GDA: variants seen among roughly 807,000 people sequenced by gnomAD.
GDA encodes cytoplasmic PSD-95 interactor.
In GDA, 18 loss-of-function variants were observed where a neutral mutation model predicts 59.6. The ratio of observed to expected loss-of-function variants is 0.30; its 90% CI spans 0.21 to 0.45. GDA has a LOEUF of 0.45. Ranked by LOEUF, GDA falls within the 20% of genes least tolerant of loss-of-function variation. The pLI is 1.00. For synonymous variants in GDA, 201 were observed against 201.1 expected, an observed-to-expected ratio of 1.00 and a Z score of 0.00; for missense variants, 427 against 552.3, an observed-to-expected ratio of 0.77 and a Z score of 2.27.
At chr9:72,155,136 A>G (rs1229261012) in intron 1 of GDA, among the ~76,000 whole-genome samples, 7 of 152,230 alleles carry the variant, frequency 4.6e-5, no homozygotes, top group Non-Finnish European at 1.0e-4. Flanking sequence ...GAGACTGGGA[A>G]GAAAAAGAGG....
intron 10 of GDA, among the ~76,000 whole-genome samples, chr9:72,238,971 G>A (rs368939412): frequency 3.5e-4 from 53 of 152,254 alleles, no homozygotes; most frequent in Admixed American, 1.2e-3. Context: ...AGTTCCATGC[G>A]CACAGTTTAA....
intron 1 of GDA, among the ~76,000 whole-genome samples, chr9:72,116,244 A>AT (rs1291088712): frequency 2.6e-5 from 4 of 151,746 alleles, no homozygotes; most frequent in Non-Finnish European, 5.9e-5. Flanking sequence ...AAAAAAAAAA[A>AT]TTTATGAAAT....
At position 72,154,912 on chromosome 9, in the gene GDA, A is replaced by G. The variant is rs531362158; in HGVS notation, c.123+5230A>G. On this transcript the variant is annotated intron_variant, in intron 1 of 13. Transcript: ENST00000358399. ...CCAAACACTGGGGTTTTCACCGGAG[A>G]TAAATTGATGAACAAAGTATGCAAA... Among the ~76,000 whole-genome samples, 13 of 152,306 alleles carry G rather than the reference A, an allele frequency of 8.5e-5. No homozygotes were observed. In the East Asian group the frequency reaches 2.5e-3, roughly 29 times the overall value.
chr9:72,120,866 T>C (rs1825635362), intron 1 of GDA, among the ~76,000 whole-genome samples: 1 of 152,130 alleles, frequency 6.6e-6, no homozygotes. Flanking sequence ...GACTCTACTT[T>C]GCACCACCGA....
At chr9:72,136,849 C>G (rs2130636005) in intron 1 of GDA, among the ~76,000 whole-genome samples, 1 of 152,128 alleles carries the variant, frequency 6.6e-6, no homozygotes, top group Non-Finnish European at 1.5e-5. Flanking sequence ...GTGGCAGGTG[C>G]CTGTAGTCCC....
chr9:72,139,486 T>G (rs1156993794), intron 1 of GDA, among the ~76,000 whole-genome samples: 1 of 152,210 alleles, frequency 6.6e-6, no homozygotes, highest in Non-Finnish European at 1.5e-5. Flanking sequence ...GTCTGTAGTC[T>G]GAGATCTAAG....
chr9:72,234,841 TG>T (rs1227960186), intron 10 of GDA, among the ~76,000 whole-genome samples: 3 of 152,236 alleles, frequency 2.0e-5, no homozygotes, highest in Non-Finnish European at 4.4e-5. Flanking sequence ...CAGATGTTTT[TG>T]TTGGCACACA....
chr9:72,232,004 A>C (rs1564152783), intron 10 of GDA, among the ~76,000 whole-genome samples: 2 of 152,224 alleles, frequency 1.3e-5, no homozygotes, highest in Non-Finnish European at 2.9e-5. Flanking sequence ...TTAGTGACGG[A>C]TTAGTGATGT....
rs1306525840 is a variant in GDA at position 72,249,591 on chromosome 9, T to TA, written c.*1250dup. On this transcript the variant is annotated 3_prime_UTR_variant, in exon 14 of 14. Transcript: ENST00000358399. ...AACATTACAAAGCAAAGACTATTTT[T>TA]ATGCTTCCATAACCTAGAATTAAAA... The TA allele has an allele frequency of 4.7e-6, 3 of 641,794 alleles. No homozygotes were observed. In the African/African-American group the frequency reaches 5.9e-5, roughly 13 times the overall value. 39.8% of individuals were successfully genotyped at this position (641,794 alleles called of 1,614,324 possible). A position where few individuals can be genotyped will look rare whatever the true frequency, so the allele number is the denominator to read the frequency against.
At chr9:72,211,809 T>G (rs1271450958) in intron 4 of GDA, among the ~76,000 whole-genome samples, 1 of 152,104 alleles carries the variant, frequency 6.6e-6, no homozygotes. Context: ...ATTCATCGCC[T>G]GGGGGCAGTG....
At chr9:72,156,013 G>A (rs781781880) in intron 1 of GDA, among the ~76,000 whole-genome samples, 7 of 152,160 alleles carry the variant, frequency 4.6e-5, no homozygotes, top group Non-Finnish European at 8.8e-5. Flanking sequence ...AGACTTCAGC[G>A]GTTATTGTCA....
intron 4 of GDA, among the ~76,000 whole-genome samples, chr9:72,212,481 TAA>T (rs898941614): frequency 1.4e-5 from 2 of 143,406 alleles, no homozygotes; most frequent in Admixed American, 7.0e-5. Context: ...GACGCCACCT[TAA>T]AAAAAAAAAA....
chr9:72,208,227 A>C (rs1322514970), intron 3 of GDA, among the ~76,000 whole-genome samples: 1 of 152,182 alleles, frequency 6.6e-6, no homozygotes, highest in Non-Finnish European at 1.5e-5. Flanking sequence ...TCCTGCAGAC[A>C]CTTGAGCTTC....
chr9:72,164,243 A>G (rs1829014126), intron 1 of GDA, among the ~76,000 whole-genome samples: 1 of 152,212 alleles, frequency 6.6e-6, no homozygotes, highest in South Asian at 2.1e-4. Flanking sequence ...AGTTAAAGAG[A>G]ATGAGTAGGA....
chr9:72,207,351 A>G (rs1017291595), intron 3 of GDA, among the ~76,000 whole-genome samples: 1 of 152,126 alleles, frequency 6.6e-6, no homozygotes, highest in Non-Finnish European at 1.5e-5. Flanking sequence ...CTTTTCTTTC[A>G]CACTACATTC....
chr9:72,117,410 ATCTC>A (rs1289749494), intron 1 of GDA, among the ~76,000 whole-genome samples: 1 of 152,114 alleles, frequency 6.6e-6, no homozygotes, highest in African/African-American at 2.4e-5. Context: ...ATACAGAACA[ATCTC>A]TCTCTTTCTC....
chr9:72,214,822 C>T (rs1835893251), intron 5 of GDA: 1 of 256,512 alleles, frequency 3.9e-6, no homozygotes, highest in Non-Finnish European at 7.6e-6. Context: ...AAACCTCCAC[C>T]TCCTGTGTTC....
chr9:72,169,392 G>A (rs1365060017), intron 1 of GDA, among the ~76,000 whole-genome samples: 1 of 152,172 alleles, frequency 6.6e-6, no homozygotes, highest in Non-Finnish European at 1.5e-5. Context: ...GTCTATTTCT[G>A]AGCCACTGTG....
rs1314201202 is a variant in GDA at position 72,249,332 on chromosome 9, A to G, written c.*990A>G. On this transcript the variant is annotated 3_prime_UTR_variant, in exon 14 of 14. Transcript: ENST00000358399. ...ATGTTGTAGTTTCTGGAAATTCCAT[A>G]CTCAGATATCAGTCTGCTAGAACTT... 1 of 979,300 alleles carries G rather than the reference A, an allele frequency of 1.0e-6. No individual in the cohort carries two copies. The highest frequency in any genetic ancestry group is 1.8e-5 in the African/African-American group (1 of 57,114). The allele number at this position is 979,300 out of a possible 1,614,324, so 60.7% of individuals were successfully genotyped here. A position where few individuals can be genotyped will look rare whatever the true frequency, so the allele number is the denominator to read the frequency against.
Sources: gnomAD v4.1 joint callset for allele counts (sites outside exome capture counted in the v4.1 genomes callset) on GRCh38, gnomAD v4.1.1 for gene constraint, MANE v1.5 for transcripts, NCBI Gene and HGNC (gene_info 2026-07-23, HGNC 2026-07-21) for gene names.